CSMD1: variants seen among roughly 807,000 people sequenced by gnomAD.
CSMD1 encodes the protein CUB and sushi domain-containing protein 1.
In CSMD1, 213 loss-of-function variants were observed where a neutral mutation model predicts 417.5. That is an observed-to-expected ratio of 0.51 (90% CI 0.46 to 0.57). The LOEUF is 0.57. Among genes scored for constraint, CSMD1 ranks in the 20% least tolerant of loss-of-function variants. CSMD1 has a pLI of 0.00. For missense variants in CSMD1, 6,923 were observed against 4,529.7 expected, an observed-to-expected ratio of 1.53 and a Z score of -15.17; for synonymous variants, 2,862 against 1,736.8, an observed-to-expected ratio of 1.65 and a Z score of -16.11.
At chr8:3,931,514 A>G (rs756178879) in intron 5 of CSMD1, among the ~76,000 whole-genome samples, 2 of 150,224 alleles carry the variant, frequency 1.3e-5, no homozygotes, top group South Asian at 2.1e-4. Context: ...ACTTTCTCCA[A>G]TTTCATTGAA....
At chr8:4,026,909 T>C (rs921870654) in intron 4 of CSMD1, among the ~76,000 whole-genome samples, 14 of 150,174 alleles carry the variant, frequency 9.3e-5, no homozygotes, top group South Asian at 4.2e-4. Context: ...GCGAATTCTT[T>C]AAAAACCAAC....
At chr8:4,291,302 T>C (rs117172856) in intron 3 of CSMD1, among the ~76,000 whole-genome samples, 6,840 of 152,142 alleles carry the variant, frequency 0.045, 245 homozygotes, top group South Asian at 0.15. Flanking sequence ...TCAAGATATT[T>C]AAAAGCTAGG....
chr8:4,913,781 C>T (rs1318470261), intron 1 of CSMD1, among the ~76,000 whole-genome samples: 1 of 152,124 alleles, frequency 6.6e-6, no homozygotes. Flanking sequence ...GAGTCACTGC[C>T]AAATTGCACG....
chr8:4,832,632 C>A (rs537648052), intron 1 of CSMD1, among the ~76,000 whole-genome samples: 1 of 152,306 alleles, frequency 6.6e-6, no homozygotes, highest in African/African-American at 2.4e-5. Context: ...AGTGTCAAAT[C>A]TATCTGCTAA....
chr8:3,614,475 G>C (rs1330213223), intron 8 of CSMD1, among the ~76,000 whole-genome samples: 1 of 152,260 alleles, frequency 6.6e-6, no homozygotes, highest in South Asian at 2.1e-4. Flanking sequence ...CCTAGGATAT[G>C]ATTAAAACTT....
chr8:4,248,272 C>T (rs980254737), intron 3 of CSMD1, among the ~76,000 whole-genome samples: 2 of 152,218 alleles, frequency 1.3e-5, no homozygotes, highest in East Asian at 1.9e-4. Context: ...AATTTCTAGT[C>T]CACTATTCTT....
chr8:4,112,238 C>T (rs557965724), intron 3 of CSMD1, among the ~76,000 whole-genome samples: 25 of 152,202 alleles, frequency 1.6e-4, no homozygotes, highest in Non-Finnish European at 3.2e-4. Flanking sequence ...AAGCTCACCT[C>T]CTGAGGTTCT....
At chr8:4,709,049 T>C (rs1337465165) in intron 1 of CSMD1, among the ~76,000 whole-genome samples, 2 of 152,198 alleles carry the variant, frequency 1.3e-5, no homozygotes, top group African/African-American at 4.8e-5. Flanking sequence ...CAGTCTATGG[T>C]ACTTTGTTAT....
chr8:3,443,491 T>C (rs1158150380), intron 12 of CSMD1, among the ~76,000 whole-genome samples: 1 of 152,166 alleles, frequency 6.6e-6, no homozygotes, highest in Non-Finnish European at 1.5e-5. Flanking sequence ...GATATCTACA[T>C]ATGTGTGCGT....
Position 3,932,792 on chromosome 8 carries a change from T to G in CSMD1, c.818+65111A>C, listed in dbSNP as rs190104822. ...AAGGTTAATGAAGCTGAGTTTTCAT[T>G]TCAATTGGAGATAAAAAGTTACTAA... On this transcript the variant is annotated intron_variant, in intron 5 of 69. Transcript: ENST00000635120. Among the ~76,000 whole-genome samples the G allele has an allele frequency of 2.5e-4, 37 of 150,638 alleles. 3 individuals are homozygous for G. The highest frequency in any genetic ancestry group is 3.7e-4 in the Non-Finnish European group (25 of 67,544).
At chr8:3,322,344 G>A (rs1447040929) in intron 23 of CSMD1, among the ~76,000 whole-genome samples, 1 of 152,074 alleles carries the variant, frequency 6.6e-6, no homozygotes, top group Non-Finnish European at 1.5e-5. Context: ...TTAAATGACT[G>A]AACATTCAAA....
intron 10 of CSMD1, among the ~76,000 whole-genome samples, chr8:3,535,201 G>C (rs937646936): frequency 2.0e-5 from 3 of 152,078 alleles, no homozygotes; most frequent in South Asian, 4.2e-4. Flanking sequence ...TGATCCTTCT[G>C]TTTCAGCCTC....
chr8:3,736,903 T>C (rs1010834523), intron 6 of CSMD1, among the ~76,000 whole-genome samples: 1 of 152,208 alleles, frequency 6.6e-6, no homozygotes, highest in Non-Finnish European at 1.5e-5. Context: ...GTGTGCATCC[T>C]ACTAGAACAT....
chr8:4,783,966 G>C (rs187940498), intron 1 of CSMD1, among the ~76,000 whole-genome samples: 1 of 152,190 alleles, frequency 6.6e-6, no homozygotes, highest in Non-Finnish European at 1.5e-5. Flanking sequence ...AGTTCCCACA[G>C]ATTGGATGAG....
At chr8:3,640,481 T>A (rs1297662203) in intron 7 of CSMD1, among the ~76,000 whole-genome samples, 1 of 152,258 alleles carries the variant, frequency 6.6e-6, no homozygotes, top group African/African-American at 2.4e-5. Context: ...TGCTCAGTTT[T>A]GTCTAATCAG....
chr8:3,934,336 G>T (rs540433274), intron 5 of CSMD1, among the ~76,000 whole-genome samples: 2 of 152,006 alleles, frequency 1.3e-5, no homozygotes, highest in African/African-American at 4.8e-5. Flanking sequence ...TAGTTAACAC[G>T]TACAAAAAGA....
At chr8:3,896,564 T>C (rs955667367) in intron 5 of CSMD1, among the ~76,000 whole-genome samples, 1 of 151,946 alleles carries the variant, frequency 6.6e-6, no homozygotes, top group Non-Finnish European at 1.5e-5. Context: ...CAGGCTGGAG[T>C]GCAGTGGCGT....
At chr8:4,094,736 C>A (rs1326562419) in intron 3 of CSMD1, among the ~76,000 whole-genome samples, 2 of 152,160 alleles carry the variant, frequency 1.3e-5, no homozygotes, top group Non-Finnish European at 2.9e-5. Context: ...CCTCCTTCTC[C>A]ATTCAGACAA....
At chr8:4,820,183 G>C (rs113538792) in intron 1 of CSMD1, among the ~76,000 whole-genome samples, 1 of 151,966 alleles carries the variant, frequency 6.6e-6, no homozygotes, top group Non-Finnish European at 1.5e-5. Flanking sequence ...CTGCATTTAG[G>C]CAGCATCCTC....
Sources: allele counts gnomAD v4.1 joint callset (sites outside exome capture counted in the v4.1 genomes callset), GRCh38; gene constraint gnomAD v4.1.1; transcripts MANE v1.5; gene names NCBI Gene and HGNC (gene_info 2026-07-23, HGNC 2026-07-21).